Variants in CDH12 observed in about 807,000 individuals in gnomAD.
CDH12 encodes the protein cadherin 12, also known as cadherin-12.
Under a neutral mutation model 74.1 loss-of-function variants are expected in CDH12, and 41 were observed. That is an observed-to-expected ratio of 0.55 (90% confidence interval 0.43 to 0.72). The LOEUF (loss-of-function observed/expected upper bound fraction) is 0.72, where lower values mean the gene tolerates loss of function less well. Ranked by LOEUF, CDH12 falls within the 30% of genes least tolerant of loss-of-function variation. CDH12 has a pLI of 0.00. For missense variants in CDH12, 945 were observed against 977.2 expected (o/e 0.97, Z 0.44); for synonymous variants, 399 against 355.0 (o/e 1.12, Z -1.39).
intron 1 of CDH12, among the ~76,000 whole-genome samples, chr5:22,824,625 T>A (rs898080837): frequency 2.0e-5 from 3 of 151,910 alleles, no homozygotes; most frequent in African/African-American, 7.2e-5. Flanking sequence ...CAGGGATTTT[T>A]AAAAATTCTA....
At chr5:22,672,441 T>A (rs1034878631) in intron 1 of CDH12, among the ~76,000 whole-genome samples, 9 of 151,924 alleles carry the variant, frequency 5.9e-5, no homozygotes, top group Non-Finnish European at 4.4e-5. Context: ...CATGAAGGGA[T>A]TAATGCCATT....
chr5:21,970,869 A>AAAAAAAAG (rs1756820904), intron 6 of CDH12, among the ~76,000 whole-genome samples: 42 of 143,478 alleles, frequency 2.9e-4, no homozygotes, highest in Middle Eastern at 3.6e-3. Flanking sequence ...AAAAAAAAAA[A>AAAAAAAAG]AAAAAGAAAA....
At chr5:22,377,178 AG>A (rs1238771731) in intron 3 of CDH12, among the ~76,000 whole-genome samples, 1 of 152,194 alleles carries the variant, frequency 6.6e-6, no homozygotes, top group Non-Finnish European at 1.5e-5. Context: ...TACCAATGAC[AG>A]ATTCTTCAGA....
chr5:21,940,761 G>A (rs115010068), intron 6 of CDH12, among the ~76,000 whole-genome samples: 7,170 of 151,932 alleles, frequency 0.047, 432 homozygotes, highest in African/African-American at 0.14. Context: ...CTTGTTACTA[G>A]ATAATCCACG....
rs1580934019 is a variant in CDH12, at chr5:22,728,842, C to A, written c.-523+124216G>T. Among the ~76,000 whole-genome samples, 3 of 151,848 alleles carry A rather than the reference C, an allele frequency of 2.0e-5. No homozygotes were observed. In the South Asian group the frequency reaches 6.2e-4, roughly 31 times the overall value. The stretch of plus-strand genomic sequence containing the variant: ...TAGCTTGAGCCCTCCACCGTCATGA[C>A]CTAATTACCCACACACAGCCCCACA... On this transcript the variant is annotated intron_variant, in intron 1 of 14. Coordinates refer to ENST00000382254, the MANE Select transcript of CDH12 (RefSeq NM_004061.5).
In CDH12 at chr5:22,797,628, G is replaced by A. The variant is rs1257182896; in HGVS notation, c.-523+55430C>T. On this transcript the variant is annotated intron_variant, in intron 1 of 14. Transcript: ENST00000382254. ...TTGTCAGTAACCAGTAAAAGAAGTT[G>A]GGAATAACCATCTATGTAGAAATAA... Among the ~76,000 whole-genome samples the A allele has an allele frequency of 1.3e-5, 2 of 152,076 alleles. 1 individual carries two copies. Among genetic ancestry groups the A allele is most frequent in the African/African-American group, 4.8e-5 (2 of 41,406 alleles).
chr5:22,503,170 C>T (rs1580713390), intron 2 of CDH12, among the ~76,000 whole-genome samples: 2 of 152,092 alleles, frequency 1.3e-5, no homozygotes, highest in African/African-American at 4.8e-5. Flanking sequence ...TTTCCCTTTA[C>T]TTTTTTGCAT....
At chr5:22,799,858 C>G (rs1332314063) in intron 1 of CDH12, among the ~76,000 whole-genome samples, 1 of 152,046 alleles carries the variant, frequency 6.6e-6, no homozygotes, top group Non-Finnish European at 1.5e-5. Flanking sequence ...ATAATTTTTG[C>G]TCTTAAAGTT....
chr5:22,461,524 A>C (rs558853653), intron 2 of CDH12, among the ~76,000 whole-genome samples: 1 of 152,008 alleles, frequency 6.6e-6, no homozygotes, highest in Admixed American at 6.5e-5. Context: ...GGAAGTAAAT[A>C]TCTAAGGGCT....
At chr5:22,293,250 G>C (rs1021724802) in intron 3 of CDH12, among the ~76,000 whole-genome samples, 1 of 152,106 alleles carries the variant, frequency 6.6e-6, no homozygotes, top group African/African-American at 2.4e-5. Flanking sequence ...AGCAGGGACT[G>C]ACTGAATTAG....
At chr5:22,801,602 A>G (rs1209658839) in intron 1 of CDH12, among the ~76,000 whole-genome samples, 1 of 138,402 alleles carries the variant, frequency 7.2e-6, no homozygotes, top group East Asian at 2.1e-4. Flanking sequence ...TTCTGATTAA[A>G]GTTTATATTT....
intron 8 of CDH12, among the ~76,000 whole-genome samples, chr5:21,824,420 C>T (rs1748546471): frequency 6.6e-6 from 1 of 152,070 alleles, no homozygotes; most frequent in Admixed American, 6.6e-5. Flanking sequence ...CCTCAGCCTC[C>T]AGATTTCAGG....
At chr5:22,743,798 C>T (rs775792740) in intron 1 of CDH12, among the ~76,000 whole-genome samples, 3 of 151,770 alleles carry the variant, frequency 2.0e-5, no homozygotes, top group Non-Finnish European at 2.9e-5. Context: ...TTAAAACTGT[C>T]GAAGTCTTCA....
chr5:22,737,682 C>A (rs1458896937), intron 1 of CDH12, among the ~76,000 whole-genome samples: 2 of 151,832 alleles, frequency 1.3e-5, no homozygotes, highest in Admixed American at 1.3e-4. Context: ...CATTTTAAGC[C>A]TAAGTATTTA....
intron 2 of CDH12, among the ~76,000 whole-genome samples, chr5:22,498,901 C>CTTTTTTTTTTTTTTTTTTTTTTT (rs34550762): frequency 6.8e-5 from 5 of 73,414 alleles, no homozygotes; most frequent in South Asian, 4.2e-4. Flanking sequence ...TTTTCTGTTT[C>CTTTTTTTTTTTTTTTTTTTTTTT]TTTTTTTTTT....
chr5:22,069,401 G>GC (rs1290166911), intron 5 of CDH12, among the ~76,000 whole-genome samples: 1 of 152,050 alleles, frequency 6.6e-6, no homozygotes, highest in Non-Finnish European at 1.5e-5. Flanking sequence ...CCAATATATG[G>GC]CACTATTTCT....
At chr5:22,090,741 A>G (rs1190328730) in intron 4 of CDH12, among the ~76,000 whole-genome samples, 7 of 151,998 alleles carry the variant, frequency 4.6e-5, no homozygotes, top group Non-Finnish European at 4.4e-5. Context: ...ACCAAATGGG[A>G]TTTATCTTAT....
chr5:22,120,145 C>G (rs768895214), intron 4 of CDH12, among the ~76,000 whole-genome samples: 12 of 152,086 alleles, frequency 7.9e-5, no homozygotes, highest in Non-Finnish European at 1.3e-4. Context: ...CTGAAACTCC[C>G]AGAGCTACTG....
intron 1 of CDH12, among the ~76,000 whole-genome samples, chr5:22,723,025 T>C (rs1743978001): frequency 6.6e-6 from 1 of 152,208 alleles, no homozygotes. Flanking sequence ...AAGCACTTTG[T>C]GGTTGAGGAG....
Sources: allele counts gnomAD v4.1 joint callset (sites outside exome capture counted in the v4.1 genomes callset), GRCh38; gene constraint gnomAD v4.1.1; transcripts MANE v1.5; gene names NCBI Gene and HGNC (gene_info 2026-07-23, HGNC 2026-07-21).